EHMT1: variants seen among roughly 807,000 people sequenced by gnomAD.
The protein encoded by EHMT1 is histone-lysine N-methyltransferase EHMT1.
In EHMT1, 15 loss-of-function variants were observed where a neutral mutation model predicts 147.2. The observed-to-expected ratio is 0.10, with a 90% CI of 0.07 to 0.16. The LOEUF (loss-of-function observed/expected upper bound fraction) is 0.16. Ranked by LOEUF, EHMT1 falls within the 10% of genes least tolerant of loss-of-function variation. EHMT1 has a pLI of 1.00. For missense variants in EHMT1, 1,587 were observed against 1,772.4 expected (o/e 0.90, Z 1.88); for synonymous variants, 795 against 709.6 (o/e 1.12, Z -1.91).
chr9:137,695,057 A>T (rs1310241389), intron 1 of EHMT1, among the ~76,000 whole-genome samples: 1 of 152,004 alleles, frequency 6.6e-6, no homozygotes. Flanking sequence ...GACCTGAAAG[A>T]CTCTAAACAG....
intron 6 of EHMT1, among the ~76,000 whole-genome samples, chr9:137,749,326 G>A (rs770322853): frequency 6.6e-6 from 1 of 152,130 alleles, no homozygotes; most frequent in Admixed American, 6.5e-5. Context: ...TGGAGTGAGT[G>A]CAGTGGCAAA....
chr9:137,745,407 T>C lies in EHMT1; in HGVS notation c.1170+1317T>C, dbSNP rs1588489156. On this transcript the variant is annotated intron_variant, in intron 6 of 26. Transcript: ENST00000460843. ...TCGTTGGAAATATTACCATTAGATA[T>C]TTAAAGAGGATTTAAAAATTTTTTA... The C allele has an allele frequency of 7.5e-6, 3 of 397,466 alleles. No homozygotes were observed. The East Asian group carries it at 1.1e-4, about 14-fold the overall frequency. The allele number at this position is 397,466 out of a possible 1,614,324, so 24.6% of individuals were successfully genotyped here. A position where few individuals can be genotyped will look rare whatever the true frequency, so the allele number is the denominator to read the frequency against.
intron 16 of EHMT1, among the ~76,000 whole-genome samples, chr9:137,794,650 G>GA (rs11302977): frequency 0.016 from 1,672 of 106,214 alleles, 17 homozygotes; most frequent in African/African-American, 0.038. Flanking sequence ...CCATCTCTAA[G>GA]AAAAAAAAAA....
At chr9:137,647,985 C>T (rs913024333) in intron 1 of EHMT1, among the ~76,000 whole-genome samples, 1 of 152,154 alleles carries the variant, frequency 6.6e-6, no homozygotes, top group Non-Finnish European at 1.5e-5. Context: ...GCTGGGAAAC[C>T]ACTCTGCCCT....
intron 17 of EHMT1, among the ~76,000 whole-genome samples, chr9:137,799,735 G>A (rs374781583): frequency 1.3e-5 from 2 of 152,258 alleles, no homozygotes; most frequent in East Asian, 3.8e-4. Context: ...TTGACGCCCA[G>A]CTTCTGTGCC....
intron 6 of EHMT1, chr9:137,746,237 C>T (rs1948533473): frequency 6.6e-6 from 1 of 152,326 alleles, no homozygotes. Flanking sequence ...GCCTCAGCTT[C>T]CTGAGTAGCT....
chr9:137,781,203 A>ACGACGCCGG (rs1951481818), intron 14 of EHMT1, among the ~76,000 whole-genome samples: 1 of 68,842 alleles, frequency 1.5e-5, no homozygotes, highest in Non-Finnish European at 2.5e-5. Context: ...GACGACGCTG[A>ACGACGCCGG]GACGTGTGGT....
At chr9:137,830,079 A>C (rs1702925557) in intron 25 of EHMT1, among the ~76,000 whole-genome samples, 1 of 151,410 alleles carries the variant, frequency 6.6e-6, no homozygotes, top group South Asian at 2.1e-4. Flanking sequence ...TTGAGTGTTA[A>C]TGTGGGCTCA....
intron 1 of EHMT1, among the ~76,000 whole-genome samples, chr9:137,658,759 C>T (rs1377199270): frequency 1.3e-5 from 2 of 152,064 alleles, no homozygotes; most frequent in Non-Finnish European, 1.5e-5. Flanking sequence ...CCTACAGGTG[C>T]ATACCACCAT....
intron 3 of EHMT1, 66 bp downstream of exon 3, chr9:137,717,248 G>A (rs1399589849): frequency 6.4e-7 from 1 of 1,572,274 alleles, no homozygotes; most frequent in Non-Finnish European, 8.6e-7. Context: ...ACGGCAAATG[G>A]ACTTTGGTGC....
intron 1 of EHMT1, among the ~76,000 whole-genome samples, chr9:137,706,826 T>C (rs951133986): frequency 6.6e-6 from 1 of 151,684 alleles, no homozygotes; most frequent in Non-Finnish European, 1.5e-5. Context: ...TTTATACATA[T>C]ATATATATTT....
intron 10 of EHMT1, among the ~76,000 whole-genome samples, chr9:137,765,781 G>A (rs950446643): frequency 5.9e-5 from 9 of 151,468 alleles, no homozygotes; most frequent in African/African-American, 2.2e-4. Flanking sequence ...TCACTGTTTA[G>A]GTTTGTAGCT....
At chr9:137,670,079 C>CT (rs769864876) in intron 1 of EHMT1, among the ~76,000 whole-genome samples, 1 of 151,994 alleles carries the variant, frequency 6.6e-6, no homozygotes, top group African/African-American at 2.4e-5. Flanking sequence ...AGGCTGGTGT[C>CT]TAACTCTTGG....
intron 1 of EHMT1, among the ~76,000 whole-genome samples, chr9:137,695,130 TG>T (rs1273215398): frequency 6.6e-6 from 1 of 152,264 alleles, no homozygotes; most frequent in African/African-American, 2.4e-5. Flanking sequence ...GCTCACACCC[TG>T]GGCACCTGGA....
intron 1 of EHMT1, among the ~76,000 whole-genome samples, chr9:137,658,159 G>T (rs1236387624): frequency 6.6e-6 from 1 of 152,094 alleles, no homozygotes; most frequent in Non-Finnish European, 1.5e-5. Context: ...TATCCAGAAT[G>T]GTCTTTTTCT....
At chr9:137,763,163 G>C in intron 10 of EHMT1, 1 of 459,210 alleles carries the variant, frequency 2.2e-6, no homozygotes, top group Non-Finnish European at 4.0e-6. Flanking sequence ...ACACCAAGGT[G>C]AGTCCAGAAC....
chr9:137,730,571 G>A (rs936731173), intron 4 of EHMT1, among the ~76,000 whole-genome samples: 3 of 152,186 alleles, frequency 2.0e-5, no homozygotes, highest in Admixed American at 6.5e-5. Context: ...GATTACAGGC[G>A]TGGGCCACCG....
intron 1 of EHMT1, among the ~76,000 whole-genome samples, chr9:137,659,735 C>T (rs563328898): frequency 1.2e-3 from 176 of 151,712 alleles, no homozygotes; most frequent in Non-Finnish European, 1.7e-3. Flanking sequence ...TACCACCACA[C>T]CTGGCTAATT....
intron 1 of EHMT1, among the ~76,000 whole-genome samples, chr9:137,653,790 C>T (rs1589129434): frequency 1.3e-5 from 2 of 152,208 alleles, no homozygotes; most frequent in African/African-American, 4.8e-5. Context: ...TCCCAAAGTC[C>T]TGGGATTACA....
Sources: gnomAD v4.1 joint callset for allele counts (sites outside exome capture counted in the v4.1 genomes callset) on GRCh38, gnomAD v4.1.1 for gene constraint, MANE v1.5 for transcripts, NCBI Gene and HGNC (gene_info 2026-07-23, HGNC 2026-07-21) for gene names.